The following FBXO4 variants were observed in gnomAD, a reference collection of about 807,000 sequenced individuals.
The protein encoded by FBXO4 is F-box protein 4, also known as F-box only protein 4.
A neutral mutation model predicts 43.7 loss-of-function variants in FBXO4; 36 were observed. The ratio of observed to expected loss-of-function variants is 0.82; its 90% confidence interval spans 0.63 to 1.09. The LOEUF is 1.09. FBXO4 is among the 50% of genes least tolerant of loss of function. The pLI is 0.00. For synonymous variants in FBXO4, 180 were observed against 165.6 expected, an observed-to-expected ratio of 1.09 and a Z score of -0.67; for missense variants, 435 against 474.1, an observed-to-expected ratio of 0.92 and a Z score of 0.77.
At chr5:41,932,597 A>G (rs1455395088) in intron 3 of FBXO4, among the ~76,000 whole-genome samples, 1 of 152,226 alleles carries the variant, frequency 6.6e-6, no homozygotes, top group Non-Finnish European at 1.5e-5. Flanking sequence ...TTATTTCTTC[A>G]TCTGAAGGGC....
the FBXO4 span, chr5:41,967,409 G>A: frequency 1.9e-6 from 1 of 539,552 alleles, no homozygotes. Context: ...CATATTTGCT[G>A]TGATCAGATT....
At position 41,925,629 on chromosome 5, in the gene FBXO4, C is replaced by G. The variant is rs1007902263; in HGVS notation, c.189+131C>G. On this transcript the variant is annotated intron_variant, in intron 1 of 6. Transcript: ENST00000281623. Reference sequence around the variant, plus strand: ...GTCTGGCTCCGTCCATGCAGCCATTCCTGGCAGTGTAGTCACCGAGAAGCT... The same window carrying G: ...GTCTGGCTCCGTCCATGCAGCCATTGCTGGCAGTGTAGTCACCGAGAAGCT... 1.2e-4 allele frequency: 70 copies of G among 602,622 alleles called. 1 individual carries two copies. The highest frequency in any genetic ancestry group is 1.5e-4 in the Non-Finnish European group (62 of 410,860). 37.3% of individuals were successfully genotyped at this position (602,622 alleles called of 1,614,324 possible).
the FBXO4 span, among the ~76,000 whole-genome samples, chr5:42,014,410 C>T: frequency 5.9e-5 from 9 of 152,144 alleles, no homozygotes; most frequent in South Asian, 4.2e-4. Context: ...AGGAAAACTC[C>T]GCTCTTTCAC....
At chr5:41,928,022 CAGT>C (rs1269552342) in intron 2 of FBXO4, among the ~76,000 whole-genome samples, 3 of 152,140 alleles carry the variant, frequency 2.0e-5, no homozygotes, top group Non-Finnish European at 4.4e-5. Context: ...GTGCTTGACT[CAGT>C]AGCAAAATAC....
chr5:42,017,541 C>T, the FBXO4 span, among the ~76,000 whole-genome samples: 1 of 151,726 alleles, frequency 6.6e-6, no homozygotes, highest in Non-Finnish European at 1.5e-5. Context: ...TATCCTGTTA[C>T]TTAGGAATCA....
the FBXO4 span, among the ~76,000 whole-genome samples, chr5:41,998,842 T>C: frequency 1.3e-5 from 2 of 152,158 alleles, no homozygotes; most frequent in African/African-American, 2.4e-5. Context: ...CTATTTCAGC[T>C]CTTTCTCTAC....
the FBXO4 span, among the ~76,000 whole-genome samples, chr5:41,964,387 A>G: frequency 6.6e-6 from 1 of 151,980 alleles, no homozygotes; most frequent in Non-Finnish European, 1.5e-5. Context: ...TCTTTTTTTC[A>G]TACCACAGCA....
At chr5:42,005,808 T>A in the FBXO4 span, among the ~76,000 whole-genome samples, 3 of 152,020 alleles carry the variant, frequency 2.0e-5, no homozygotes, top group Non-Finnish European at 2.9e-5. Context: ...GCCACAGTGG[T>A]CAAGTTCTAT....
the FBXO4 span, among the ~76,000 whole-genome samples, chr5:42,015,552 A>G: frequency 6.6e-6 from 1 of 152,268 alleles, no homozygotes; most frequent in East Asian, 1.9e-4. Flanking sequence ...TTTAGTTTCA[A>G]TCAGAATCTC....
At chr5:42,004,183 AC>A in the FBXO4 span, among the ~76,000 whole-genome samples, 1 of 152,114 alleles carries the variant, frequency 6.6e-6, no homozygotes, top group South Asian at 2.1e-4. Context: ...TTATTTTATC[AC>A]CCATTTCCTT....
At chr5:42,001,770 C>A in the FBXO4 span, among the ~76,000 whole-genome samples, 1 of 152,202 alleles carries the variant, frequency 6.6e-6, no homozygotes, top group Non-Finnish European at 1.5e-5. Context: ...CAACTCACTA[C>A]AAACTCTGCC....
the FBXO4 span, among the ~76,000 whole-genome samples, chr5:42,019,174 A>C: frequency 5.9e-5 from 9 of 152,158 alleles, no homozygotes; most frequent in Non-Finnish European, 8.8e-5. Flanking sequence ...ATTTAAGTAT[A>C]ATCAAGCATT....
At chr5:41,953,566 C>T in the FBXO4 span, among the ~76,000 whole-genome samples, 27 of 150,442 alleles carry the variant, frequency 1.8e-4, no homozygotes, top group Non-Finnish European at 3.1e-4. Flanking sequence ...CCTGAGGAAT[C>T]GCCACACTGA....
chr5:41,987,808 A>G, the FBXO4 span, among the ~76,000 whole-genome samples: 1 of 152,170 alleles, frequency 6.6e-6, no homozygotes, highest in African/African-American at 2.4e-5. Context: ...AGTATTTTTA[A>G]TCTTCAGCAT....
chr5:41,939,336 G>C (rs1751935719), intron 5 of FBXO4, 105 bp from the exon 6 acceptor site: 1 of 1,012,298 alleles, frequency 9.9e-7, no homozygotes. Flanking sequence ...TTTATGTTTG[G>C]ATCCTGGTAA....
At chr5:42,010,274 T>C in the FBXO4 span, among the ~76,000 whole-genome samples, 1,591 of 152,024 alleles carry the variant, frequency 0.01, 74 homozygotes, top group Admixed American at 0.073. Flanking sequence ...CCAAGGTGGG[T>C]GGATCACTAG....
chr5:41,952,695 C>T, the FBXO4 span, among the ~76,000 whole-genome samples: 1 of 152,120 alleles, frequency 6.6e-6, no homozygotes, highest in East Asian at 1.9e-4. Context: ...CCATTGTGGA[C>T]ATTTACTGTA....
the FBXO4 span, among the ~76,000 whole-genome samples, chr5:41,959,122 C>A: frequency 4.6e-5 from 7 of 152,238 alleles, no homozygotes; most frequent in East Asian, 1.4e-3. Context: ...CACTGTAGTT[C>A]TATTTGCATT....
the FBXO4 span, among the ~76,000 whole-genome samples, chr5:42,025,137 T>G: frequency 6.6e-6 from 1 of 151,950 alleles, no homozygotes; most frequent in African/African-American, 2.4e-5. Context: ...TCCAAACTGT[T>G]CTCCATAGTG....
Sources: allele counts gnomAD v4.1 joint callset (sites outside exome capture counted in the v4.1 genomes callset), GRCh38; gene constraint gnomAD v4.1.1; transcripts MANE v1.5; gene names NCBI Gene and HGNC (gene_info 2026-07-23, HGNC 2026-07-21).